The following SEC22C variants were observed in gnomAD, a reference collection of about 807,000 sequenced individuals.
SEC22C encodes SEC22 homolog C, vesicle trafficking protein.
A neutral mutation model predicts 34.7 loss-of-function variants in SEC22C; 29 were observed. The observed-to-expected ratio is 0.84, with a 90% CI of 0.62 to 1.14. The LOEUF is 1.14. Among genes scored for constraint, SEC22C ranks in the 50% most tolerant of loss-of-function variants. The pLI, the probability that SEC22C is intolerant of heterozygous loss-of-function variation, is 0.00. For synonymous variants in SEC22C, 117 were observed against 132.8 expected (o/e 0.88, Z 0.82); for missense variants, 337 against 369.0 (o/e 0.91, Z 0.71).
intron 1 of SEC22C, among the ~76,000 whole-genome samples, chr3:42,579,757 C>T (rs1309326231): frequency 1.3e-5 from 2 of 152,340 alleles, no homozygotes; most frequent in East Asian, 3.9e-4. Context: ...TCATAACCTA[C>T]CACCTTGCCT....
Position 42,552,070 on chromosome 3 carries a change from A to C in SEC22C, c.*1178T>G, listed in dbSNP as rs1702282001. On this transcript the variant is annotated 3_prime_UTR_variant, in exon 7 of 7. Transcript: ENST00000264454. ...CCAGGCTGAAATTTCGGGAAACCTAAGGGATCTTATCCAGAACCATATTTT... is the reference window on the plus strand; with the variant it reads ...CCAGGCTGAAATTTCGGGAAACCTACGGGATCTTATCCAGAACCATATTTT... 1.0e-6 allele frequency: 1 copy of C among 985,332 alleles called. No homozygotes were observed. Among genetic ancestry groups the C allele is most frequent in the African/African-American group, 1.7e-5 (1 of 57,252 alleles). The allele number at this position is 985,332 out of a possible 1,614,324, so 61.0% of individuals were successfully genotyped here.
At chr3:42,600,828 C>G (rs1267319611) in intron 1 of SEC22C, 1 of 423,652 alleles carries the variant, frequency 2.4e-6, no homozygotes, top group African/African-American at 2.1e-5. Context: ...CCGCGAGGCC[C>G]GGGGCGGGAG....
At chr3:42,572,830 GAT>G (rs1703728071) in intron 1 of SEC22C, among the ~76,000 whole-genome samples, 5 of 152,186 alleles carry the variant, frequency 3.3e-5, no homozygotes. Flanking sequence ...AGATGACAGA[GAT>G]ATTAGAATTA....
Position 42,552,590 on chromosome 3 carries a change from G to C in SEC22C, c.*658C>G. ...CCCAAACAGTCCCACCACTATAAAA[G>C]GTTACATATAAATTAAATAAACTCA... On this transcript the variant is annotated 3_prime_UTR_variant, in exon 7 of 7. Transcript: ENST00000264454. 1 of 981,224 alleles carries C rather than the reference G, an allele frequency of 1.0e-6. No homozygotes were observed. Among genetic ancestry groups the C allele is most frequent in the Non-Finnish European group, 1.2e-6 (1 of 826,364 alleles). The allele number at this position is 981,224 out of a possible 1,614,324, so 60.8% of individuals were successfully genotyped here.
At chr3:42,593,512 A>T (rs1484824993) in intron 1 of SEC22C, among the ~76,000 whole-genome samples, 1 of 152,166 alleles carries the variant, frequency 6.6e-6, no homozygotes, top group Non-Finnish European at 1.5e-5. Flanking sequence ...GAGCTCGAGC[A>T]TCCTCAGATT....
At position 42,568,368 on chromosome 3, in the gene SEC22C, G is replaced by C. The variant is rs555484390; in HGVS notation, c.182+497C>G. Among the ~76,000 whole-genome samples the C allele has an allele frequency of 3.9e-5, 6 of 152,120 alleles. No homozygotes were observed. In the South Asian group the frequency reaches 1.2e-3, roughly 32 times the overall value. The stretch of plus-strand genomic sequence containing the variant: ...GTTAAGAGGTGGAGCAGCCACGGCT[G>C]GGTGCAGTGGCTCACACTTGTAATC... On this transcript the variant is annotated intron_variant, in intron 2 of 6. Coordinates refer to ENST00000264454, the MANE Select transcript of SEC22C (RefSeq NM_032970.4).
chr3:42,596,365 C>G (rs1705030289), intron 1 of SEC22C, among the ~76,000 whole-genome samples: 1 of 152,226 alleles, frequency 6.6e-6, no homozygotes, highest in Non-Finnish European at 1.5e-5. Flanking sequence ...TGTTTCCCCA[C>G]TAGCATTCCT....
intron 1 of SEC22C, chr3:42,580,319 G>C (rs1704249938): frequency 6.6e-6 from 1 of 152,138 alleles, no homozygotes; most frequent in East Asian, 1.9e-4. Flanking sequence ...GACAAAACAG[G>C]CTTCATTTGG....
chr3:42,550,539 G>A lies in SEC22C; in HGVS notation c.*2709C>T, dbSNP rs115414755. The A allele has an allele frequency of 1.7e-3, 1,712 of 985,370 alleles. 29 individuals carry two copies. In the African/African-American group the frequency reaches 0.028, roughly 16 times the overall value. 61.0% of individuals were successfully genotyped at this position (985,370 alleles called of 1,614,324 possible). A position where few individuals can be genotyped will look rare whatever the true frequency, so the allele number is the denominator to read the frequency against. ...AGCTGAGGATTCTTTTAGCTAGCTG[G>A]ATTTCAGTCAAACAATGTTTTTGTG... is the stretch of plus-strand genomic sequence containing the variant. On this transcript the variant is annotated 3_prime_UTR_variant, in exon 7 of 7. Coordinates refer to ENST00000264454, the MANE Select transcript of SEC22C (RefSeq NM_032970.4).
At position 42,570,894 on chromosome 3, in the gene SEC22C, T is replaced by C. The variant is rs140174170; in HGVS notation, c.-27-1821A>G. Among the ~76,000 whole-genome samples, 22 of 152,188 alleles carry C rather than the reference T, an allele frequency of 1.4e-4. No homozygotes were observed. In the East Asian group the frequency reaches 2.7e-3, roughly 19 times the overall value. On this transcript the variant is annotated intron_variant, in intron 1 of 6. Transcript: ENST00000264454. The stretch of plus-strand genomic sequence containing the variant: ...AGACCAGGGCTTAGGCTCTCAACAA[T>C]AACTCCAAAAAGAACCATAAGCCAA...
In SEC22C at chr3:42,568,970, T is replaced by G. The variant is rs779335033; in HGVS notation, c.77A>C (p.His26Pro). The stretch of plus-strand genomic sequence containing the variant: ...CCTCCATTCCAAAAAATCTTGGGTG[T>G]GGTAAAAATCAGTAGAGGCTGAGAG... ...LPLSASTDFY[H>P]TQDFLEWRRR... Residue 26 changes from histidine (H) to proline (P), a missense_variant, in exon 2 of 7, where the codon CAC (histidine) becomes CCC (proline). Physicochemically the swap from His to Pro is moderately conservative, Grantham distance 77. Transcript: ENST00000264454. 2 of 1,614,058 alleles carry G rather than the reference T, an allele frequency of 1.2e-6. No homozygotes were observed. The highest frequency in any genetic ancestry group is 1.7e-6 in the Non-Finnish European group (2 of 1,180,028).
intron 2 of SEC22C, 33 bp from the exon 3 acceptor site, chr3:42,563,719 G>A (rs1559518256): frequency 5.0e-6 from 8 of 1,612,642 alleles, no homozygotes; most frequent in Non-Finnish European, 6.8e-6. Flanking sequence ...GTATTACCAG[G>A]AAACAGCCCC....
chr3:42,555,540 G>A (rs1386157377), intron 6 of SEC22C, among the ~76,000 whole-genome samples: 1 of 152,140 alleles, frequency 6.6e-6, no homozygotes, highest in African/African-American at 2.4e-5. Flanking sequence ...TTTATAGAAG[G>A]ACATTTCTGT....
intron 1 of SEC22C, chr3:42,590,945 C>T: frequency 8.5e-7 from 1 of 1,178,870 alleles, no homozygotes. Context: ...AGGCGGAAGT[C>T]AATCAAGAGA....
At chr3:42,579,217 C>T (rs774887735) in intron 1 of SEC22C, among the ~76,000 whole-genome samples, 2 of 152,124 alleles carry the variant, frequency 1.3e-5, no homozygotes, top group East Asian at 1.9e-4. Context: ...GCAGAGGTTG[C>T]AGTCAGCTGA....
rs1702157125 is a variant in SEC22C at position 42,549,761 on chromosome 3, G to C, written c.*3487C>G. 1.0e-6 allele frequency: 1 copy of C among 985,420 alleles called. No individual in the cohort carries two copies. Among genetic ancestry groups the C allele is most frequent in the African/African-American group, 1.7e-5 (1 of 57,254 alleles). The allele number at this position is 985,420 out of a possible 1,614,324, so 61.0% of individuals were successfully genotyped here. On this transcript the variant is annotated 3_prime_UTR_variant, in exon 7 of 7. Transcript: ENST00000264454. Reference sequence around the variant, plus strand: ...AGGGCAGAGGTAGAAAGAGGCAGGAGAGTTGGAGAACAAGAGCACCTAGAA... The same window carrying C: ...AGGGCAGAGGTAGAAAGAGGCAGGACAGTTGGAGAACAAGAGCACCTAGAA...
At chr3:42,560,118 CTCTATA>C (rs71072720) in intron 4 of SEC22C, among the ~76,000 whole-genome samples, 4,987 of 90,476 alleles carry the variant, frequency 0.055, 121 homozygotes, top group South Asian at 0.14. Flanking sequence ...CTCTCTCTCT[CTCTATA>C]TATATATATA....
At chr3:42,558,557 T>G (rs1577302952) in intron 4 of SEC22C, among the ~76,000 whole-genome samples, 3 of 136,258 alleles carry the variant, frequency 2.2e-5, no homozygotes, top group African/African-American at 2.8e-5. Context: ...GAGGCTAAGG[T>G]GAGAGGATCA....
intron 2 of SEC22C, chr3:42,566,000 G>T (rs561927342): frequency 2.4e-4 from 102 of 423,120 alleles, no homozygotes; most frequent in African/African-American, 1.7e-3. Context: ...GAAGTATCCA[G>T]GATTTAAATC....
Sources: allele counts gnomAD v4.1 joint callset (sites outside exome capture counted in the v4.1 genomes callset), GRCh38; gene constraint gnomAD v4.1.1; transcripts MANE v1.5; gene names NCBI Gene and HGNC (gene_info 2026-07-23, HGNC 2026-07-21).